Variants in HS3ST3A1 observed in about 807,000 individuals in gnomAD.
HS3ST3A1 encodes the protein heparan sulfate glucosamine 3-O-sulfotransferase 3A1.
HS3ST3A1 carries 19 observed loss-of-function variants against 25.7 expected under a neutral mutation model. That is an observed-to-expected ratio of 0.74 (90% CI 0.52 to 1.08). The LOEUF (loss-of-function observed/expected upper bound fraction) is 1.08, where lower values mean the gene tolerates loss of function less well. Among genes scored for constraint, HS3ST3A1 ranks in the 50% least tolerant of loss-of-function variants. The pLI is 0.00. For synonymous variants in HS3ST3A1, 226 were observed against 278.6 expected (o/e 0.81, Z 1.88); for missense variants, 459 against 594.3 (o/e 0.77, Z 2.37).
chr17:13,561,647 C>T (rs1907554386), intron 1 of HS3ST3A1, among the ~76,000 whole-genome samples: 1 of 152,118 alleles, frequency 6.6e-6, no homozygotes, highest in Non-Finnish European at 1.5e-5. Context: ...CCACCTTGGC[C>T]TCCCAAAGTG....
intron 1 of HS3ST3A1, among the ~76,000 whole-genome samples, chr17:13,563,953 T>C (rs1907615165): frequency 1.3e-5 from 2 of 152,194 alleles, no homozygotes; most frequent in South Asian, 4.1e-4. Flanking sequence ...TAATTTCTTA[T>C]TAATTATTAT....
At chr17:13,566,947 T>C (rs1426987021) in intron 1 of HS3ST3A1, among the ~76,000 whole-genome samples, 1 of 152,212 alleles carries the variant, frequency 6.6e-6, no homozygotes, top group Non-Finnish European at 1.5e-5. Context: ...AAATTATTGA[T>C]GAAGGTGGCT....
chr17:13,600,170 G>C (rs1292466651), intron 1 of HS3ST3A1, among the ~76,000 whole-genome samples: 1 of 151,964 alleles, frequency 6.6e-6, no homozygotes, highest in Non-Finnish European at 1.5e-5. Flanking sequence ...TTGGGAAGGA[G>C]AAGGCAATCT....
chr17:13,498,448 C>T (rs1354781452), intron 1 of HS3ST3A1, among the ~76,000 whole-genome samples: 2 of 152,194 alleles, frequency 1.3e-5, no homozygotes, highest in East Asian at 1.9e-4. Flanking sequence ...TCATACAGAT[C>T]GGAACTCCTT....
intron 1 of HS3ST3A1, among the ~76,000 whole-genome samples, chr17:13,507,046 G>A (rs1905704317): frequency 6.7e-6 from 1 of 149,390 alleles, no homozygotes; most frequent in South Asian, 2.1e-4. Flanking sequence ...TCCAGCCAGG[G>A]TGACAAAGCT....
intron 1 of HS3ST3A1, among the ~76,000 whole-genome samples, chr17:13,532,641 G>T (rs958885300): frequency 6.6e-6 from 1 of 151,984 alleles, no homozygotes; most frequent in Non-Finnish European, 1.5e-5. Flanking sequence ...CGAGAGAGTC[G>T]CTCTTAAATA....
At chr17:13,599,151 C>T (rs1353947172) in intron 1 of HS3ST3A1, among the ~76,000 whole-genome samples, 1 of 152,178 alleles carries the variant, frequency 6.6e-6, no homozygotes, top group Non-Finnish European at 1.5e-5. Context: ...GAGGATACAA[C>T]ATAAATGACA....
intron 1 of HS3ST3A1, among the ~76,000 whole-genome samples, chr17:13,546,589 T>C (rs1907095038): frequency 6.6e-6 from 1 of 152,188 alleles, no homozygotes; most frequent in African/African-American, 2.4e-5. Flanking sequence ...TTAATTGCCG[T>C]TATCTTGCAG....
intron 1 of HS3ST3A1, among the ~76,000 whole-genome samples, chr17:13,548,148 A>T (rs1393633159): frequency 6.6e-6 from 1 of 152,154 alleles, no homozygotes; most frequent in Non-Finnish European, 1.5e-5. Flanking sequence ...TTGGGTAGCT[A>T]TAACAAAATA....
chr17:13,600,445 C>T, intron 1 of HS3ST3A1, 86 bp downstream of exon 1: 5 of 1,438,730 alleles, frequency 3.5e-6, no homozygotes, highest in Non-Finnish European at 4.5e-6. Context: ...GGAGGGCGAA[C>T]TGGGGGTCAC....
At chr17:13,570,929 A>G (rs917529031) in intron 1 of HS3ST3A1, among the ~76,000 whole-genome samples, 16 of 152,186 alleles carry the variant, frequency 1.1e-4, no homozygotes, top group Non-Finnish European at 2.1e-4. Flanking sequence ...ACCATATTTG[A>G]CAGAGAAGGA....
chr17:13,535,301 A>G (rs1326177918), intron 1 of HS3ST3A1, among the ~76,000 whole-genome samples: 2 of 152,182 alleles, frequency 1.3e-5, no homozygotes, highest in Admixed American at 1.3e-4. Context: ...AAGGCACATC[A>G]CAGCCTTCTT....
rs1227307852 is a variant in HS3ST3A1 at position 13,494,538 on chromosome 17, A to G, written c.*1659T>C. Among the ~76,000 whole-genome samples the G allele has an allele frequency of 6.6e-6, 1 of 152,250 alleles. No homozygotes were observed. On this transcript the variant is annotated 3_prime_UTR_variant, in exon 2 of 2. Coordinates refer to ENST00000284110, the MANE Select transcript of HS3ST3A1 (RefSeq NM_006042.3). ...AGTTTCTTTTGATTGACAACATTAA[A>G]GAAGAAAAAGAATATTATTTTAGAG...
At chr17:13,573,886 G>C (rs907224632) in intron 1 of HS3ST3A1, among the ~76,000 whole-genome samples, 1 of 152,172 alleles carries the variant, frequency 6.6e-6, no homozygotes, top group Admixed American at 6.5e-5. Context: ...TCTCTGATAT[G>C]TGAGAATACA....
At position 13,600,582 on chromosome 17, in the gene HS3ST3A1, G is replaced by C; in HGVS notation, c.548C>G (p.Ala183Gly). Reference sequence around the variant, plus strand: ...GCTGCGGTCGAAGAAGTGGGGCTCGGCGCCCACGGCGCGCACGTCGGGGTG... The same window carrying C: ...GCTGCGGTCGAAGAAGTGGGGCTCGCCGCCCACGGCGCGCACGTCGGGGTG... Reference protein sequence around the residue: ...RVHPDVRAVGAEPHFFDRSYD... With the variant: ...RVHPDVRAVGGEPHFFDRSYD... Residue 183 changes from alanine (A) to glycine (G), a missense_variant, in exon 1 of 2, where the codon GCC (alanine) becomes GGC (glycine). Ala to Gly is a moderately conservative substitution (Grantham distance 60). Transcript: ENST00000284110. 2 of 1,601,300 alleles carry C rather than the reference G, an allele frequency of 1.2e-6. No individual in the cohort carries two copies. The highest frequency in any genetic ancestry group is 2.2e-5 in the East Asian group (1 of 44,654).
At chr17:13,572,471 CG>C (rs1021477843) in intron 1 of HS3ST3A1, among the ~76,000 whole-genome samples, 1 of 152,052 alleles carries the variant, frequency 6.6e-6, no homozygotes, top group Non-Finnish European at 1.5e-5. Context: ...TAGAGAAAGT[CG>C]GGGTGCTAAG....
intron 1 of HS3ST3A1, among the ~76,000 whole-genome samples, chr17:13,536,716 C>T (rs889778186): frequency 6.6e-6 from 1 of 152,160 alleles, no homozygotes; most frequent in Non-Finnish European, 1.5e-5. Flanking sequence ...AATCATGGAG[C>T]CAGGTTAGGC....
chr17:13,598,982 G>A (rs1408915273), intron 1 of HS3ST3A1, among the ~76,000 whole-genome samples: 1 of 152,140 alleles, frequency 6.6e-6, no homozygotes, highest in Non-Finnish European at 1.5e-5. Context: ...AGCACAGTAC[G>A]AGGCCGAATT....
chr17:13,509,678 CAG>C (rs1905800795), intron 1 of HS3ST3A1, among the ~76,000 whole-genome samples: 1 of 152,050 alleles, frequency 6.6e-6, no homozygotes, highest in African/African-American at 2.4e-5. Flanking sequence ...TAGAATCTAC[CAG>C]AGATAGGAAA....
Sources: allele counts gnomAD v4.1 joint callset (sites outside exome capture counted in the v4.1 genomes callset), GRCh38; gene constraint gnomAD v4.1.1; transcripts MANE v1.5; gene names NCBI Gene and HGNC (gene_info 2026-07-23, HGNC 2026-07-21).